Variants in TCEA3 observed in about 807,000 individuals in gnomAD.
TCEA3 encodes the protein transcription elongation factor A protein 3.
A neutral mutation model predicts 44.0 loss-of-function variants in TCEA3; 36 were observed. The ratio of observed to expected loss-of-function variants is 0.82; its 90% confidence interval spans 0.63 to 1.08. The LOEUF is 1.08. Among genes scored for constraint, TCEA3 ranks in the 50% least tolerant of loss-of-function variants. The pLI is 0.00. For missense variants in TCEA3, 392 were observed against 441.2 expected (o/e 0.89, Z 1.00); for synonymous variants, 162 against 159.7 (o/e 1.01, Z -0.11).
intron 5 of TCEA3, among the ~76,000 whole-genome samples, chr1:23,405,392 C>T (rs12094670): frequency 2.0e-5 from 3 of 152,036 alleles, no homozygotes; most frequent in African/African-American, 7.3e-5. Context: ...GTCAAGAGAT[C>T]GAGACCATCC....
At chr1:23,409,735 G>C (rs1639657945) in intron 4 of TCEA3, among the ~76,000 whole-genome samples, 1 of 151,910 alleles carries the variant, frequency 6.6e-6, no homozygotes, top group African/African-American at 2.4e-5. Context: ...TCTTAGTAGA[G>C]AGGGGGTTTC....
chr1:23,421,690 C>T (rs1558079588), intron 1 of TCEA3, among the ~76,000 whole-genome samples: 1 of 152,126 alleles, frequency 6.6e-6, no homozygotes, highest in Non-Finnish European at 1.5e-5. Context: ...TTATCTCTGA[C>T]CATACATGAC....
intron 4 of TCEA3, among the ~76,000 whole-genome samples, chr1:23,413,828 C>A (rs1283991803): frequency 1.3e-5 from 2 of 151,992 alleles, no homozygotes; most frequent in African/African-American, 4.8e-5. Context: ...ATTTTCTAAA[C>A]TTTTTACACT....
rs756083876 is a variant in TCEA3 at position 23,417,238 on chromosome 1, A to G, written c.380+11T>C. ...TGTCAGCTCCCTTCTCTCCATCCCA[A>G]AAAAGAATACCTGGTTTTGGGGTCT... On this transcript the variant is annotated intron_variant, in intron 4 of 10. Coordinates refer to ENST00000450454, the MANE Select transcript of TCEA3 (RefSeq NM_003196.3). 50 of 1,612,020 alleles carry G rather than the reference A, an allele frequency of 3.1e-5. No individual in the cohort carries two copies. The highest frequency in any genetic ancestry group is 5.0e-5 in the Admixed American group (3 of 59,458).
chr1:23,421,877 G>A (rs1022726902), intron 1 of TCEA3, among the ~76,000 whole-genome samples: 1 of 152,218 alleles, frequency 6.6e-6, no homozygotes, highest in African/African-American at 2.4e-5. Flanking sequence ...GCCAGTTCCA[G>A]CTCTCCACTG....
chr1:23,408,704 A>G lies in TCEA3; in HGVS notation c.403T>C (p.Ser135Pro). ...CTTTTTGGAGAGGAGGAGGCAGAAGACTTGGAGTCCACAGAGTCTCTCCTG... is the reference window on the plus strand; with the variant it reads ...CTTTTTGGAGAGGAGGAGGCAGAAGGCTTGGAGTCCACAGAGTCTCTCCTG... ...KTRRDSVDSK[S>P]SASSSPKRPS... The change falls in exon 5 of 11, where the codon TCT becomes CCT. Residue 135 changes from serine (S) to proline (P), a missense_variant. Transcript: ENST00000450454. The G allele has an allele frequency of 6.2e-7, 1 of 1,611,136 alleles. No individual in the cohort carries two copies. Among genetic ancestry groups the G allele is most frequent in the African/African-American group, 1.3e-5 (1 of 75,026 alleles).
rs1481433349 is a variant in TCEA3 at position 23,385,214 on chromosome 1, T to C, written c.967-797A>G. On this transcript the variant is annotated intron_variant, in intron 9 of 10. Coordinates refer to ENST00000450454, the MANE Select transcript of TCEA3 (RefSeq NM_003196.3). ...GCTGTCCTTGGCTGGCCACGACATG[T>C]AGCAAGTCATTACTTTGCTGACAAT... Among the ~76,000 whole-genome samples, 6 of 152,278 alleles carry C rather than the reference T, an allele frequency of 3.9e-5. No homozygotes were observed. In the East Asian group the frequency reaches 1.2e-3, roughly 29 times the overall value.
chr1:23,389,896 T>C (rs28708938), intron 8 of TCEA3, among the ~76,000 whole-genome samples: 4,997 of 152,228 alleles, frequency 0.033, 275 homozygotes, highest in African/African-American at 0.11. Context: ...TGGTAGGAGC[T>C]AGCTCAAGCA....
At chr1:23,415,777 G>T (rs1340541188) in intron 4 of TCEA3, among the ~76,000 whole-genome samples, 2 of 152,148 alleles carry the variant, frequency 1.3e-5, no homozygotes, top group African/African-American at 4.8e-5. Context: ...TTCCAAGTAG[G>T]ATACACTTGC....
At chr1:23,419,740 G>A (rs1442308233) in intron 1 of TCEA3, among the ~76,000 whole-genome samples, 1 of 152,168 alleles carries the variant, frequency 6.6e-6, no homozygotes, top group Non-Finnish European at 1.5e-5. Context: ...GGAGGCTGAG[G>A]CAGGAAAATC....
intron 4 of TCEA3, 22 bp from the exon 5 acceptor site, chr1:23,408,748 G>T (rs1198423): frequency 0.87 from 1,381,582 of 1,589,482 alleles, 601,122 homozygotes; most frequent in Middle Eastern, 0.91. Context: ...AAATTGGCAA[G>T]GAGACTGCTT....
At chr1:23,398,131 A>G (rs373136206) in intron 5 of TCEA3, among the ~76,000 whole-genome samples, 176 bp from the exon 6 acceptor site, 6 of 152,216 alleles carry the variant, frequency 3.9e-5, no homozygotes, top group African/African-American at 1.4e-4. Context: ...TGACAACCCC[A>G]TGAGGTTGAT....
At chr1:23,417,049 TGC>T (rs552348339) in intron 4 of TCEA3, among the ~76,000 whole-genome samples, 198 bp downstream of exon 4, 1 of 152,228 alleles carries the variant, frequency 6.6e-6, no homozygotes, top group Non-Finnish European at 1.5e-5. Flanking sequence ...GCAAAGCCAG[TGC>T]CATTTATGTC....
At chr1:23,400,715 T>C (rs1639373740) in intron 5 of TCEA3, among the ~76,000 whole-genome samples, 1 of 151,728 alleles carries the variant, frequency 6.6e-6, no homozygotes, top group Non-Finnish European at 1.5e-5. Context: ...AAAATTAAGG[T>C]CCCCTCCTGG....
chr1:23,389,055 T>A (rs1290908588), intron 8 of TCEA3, among the ~76,000 whole-genome samples: 1 of 152,144 alleles, frequency 6.6e-6, no homozygotes, highest in Non-Finnish European at 1.5e-5. Context: ...GTGTGTTAAA[T>A]TCAAAGGCTA....
In TCEA3 at chr1:23,424,736, A is replaced by G. The variant is rs1479615483; in HGVS notation, c.-103T>C. The G allele has an allele frequency of 7.3e-6, 6 of 825,402 alleles. No homozygotes were observed. The highest frequency in any genetic ancestry group is 1.2e-5 in the Non-Finnish European group (6 of 520,544). The allele number at this position is 825,402 out of a possible 1,614,324, so 51.1% of individuals were successfully genotyped here. On this transcript the variant is annotated 5_prime_UTR_variant, in exon 1 of 11. Coordinates refer to ENST00000450454, the MANE Select transcript of TCEA3 (RefSeq NM_003196.3). ...AGGGCGCGCAACCCGCGCGGGCCCC[A>G]AACACACACGACACACACGCCCGGC...
chr1:23,393,550 T>A (rs1639125837), intron 8 of TCEA3, among the ~76,000 whole-genome samples: 1 of 152,176 alleles, frequency 6.6e-6, no homozygotes, highest in Non-Finnish European at 1.5e-5. Flanking sequence ...TGGCTCCGAC[T>A]CTTTCTAGCT....
intron 4 of TCEA3, among the ~76,000 whole-genome samples, chr1:23,415,014 C>CTTTTTTT (rs59946326): frequency 2.3e-5 from 1 of 43,116 alleles, no homozygotes; most frequent in African/African-American, 8.4e-5. Flanking sequence ...CTTTACTGTT[C>CTTTTTTT]TTTTTTTTTT....
At chr1:23,409,013 A>G (rs1322852648) in intron 4 of TCEA3, among the ~76,000 whole-genome samples, 1 of 152,094 alleles carries the variant, frequency 6.6e-6, no homozygotes, top group Non-Finnish European at 1.5e-5. Context: ...ATTTACAACT[A>G]TTCTCAGCAG....
Sources: allele counts gnomAD v4.1 joint callset (sites outside exome capture counted in the v4.1 genomes callset), GRCh38; gene constraint gnomAD v4.1.1; transcripts MANE v1.5; gene names NCBI Gene and HGNC (gene_info 2026-07-23, HGNC 2026-07-21).